NUP35: variants seen among roughly 807,000 people sequenced by gnomAD.
NUP35 encodes nucleoporin 35, also known as nucleoporin NUP35.
NUP35 carries 25 observed loss-of-function variants against 41.5 expected under a neutral mutation model. The observed-to-expected ratio is 0.60, with a 90% CI of 0.44 to 0.84. The LOEUF is 0.84. Ranked by LOEUF, NUP35 falls within the 40% of genes least tolerant of loss-of-function variation. The pLI is 0.00. For missense variants in NUP35, 396 were observed against 396.6 expected (o/e 1.00, Z 0.01); for synonymous variants, 149 against 130.7 (o/e 1.14, Z -0.96).
chr2:183,152,934 G>A (rs113763743), intron 5 of NUP35, among the ~76,000 whole-genome samples: 2,596 of 152,220 alleles, frequency 0.017, 42 homozygotes, highest in Non-Finnish European at 0.028. Flanking sequence ...AGACATATCC[G>A]AGACTGGAAA....
At chr2:183,131,120 A>C in intron 3 of NUP35, 1 of 291,244 alleles carries the variant, frequency 3.4e-6, no homozygotes, top group Admixed American at 3.2e-5. Flanking sequence ...GGATATAGGC[A>C]CGTGCTGCTA....
intron 4 of NUP35, among the ~76,000 whole-genome samples, chr2:183,142,443 TTG>T (rs1018767542): frequency 2.6e-5 from 4 of 151,686 alleles, no homozygotes; most frequent in African/African-American, 9.7e-5. Context: ...TTCTCAAATT[TTG>T]TGTGTTTTCT....
At chr2:183,132,255 C>G (rs1002556472) in intron 3 of NUP35, among the ~76,000 whole-genome samples, 1 of 152,002 alleles carries the variant, frequency 6.6e-6, no homozygotes, top group Non-Finnish European at 1.5e-5. Flanking sequence ...CTCCTGAGCT[C>G]AAGTAATCCA....
upstream of NUP35, among the ~76,000 whole-genome samples, chr2:183,122,320 C>A (rs1436989117): frequency 6.6e-6 from 1 of 152,142 alleles, no homozygotes; most frequent in Non-Finnish European, 1.5e-5. Context: ...TCGTGATCCG[C>A]CCGCCTTGGC....
upstream of NUP35, among the ~76,000 whole-genome samples, chr2:183,122,641 T>C (rs974691179): frequency 6.6e-6 from 1 of 152,188 alleles, no homozygotes; most frequent in Non-Finnish European, 1.5e-5. Context: ...TAGAAATTTC[T>C]TTTTTATTTT....
intron 4 of NUP35, among the ~76,000 whole-genome samples, chr2:183,137,431 T>C (rs914288619): frequency 6.6e-6 from 1 of 151,946 alleles, no homozygotes; most frequent in Non-Finnish European, 1.5e-5. Flanking sequence ...AAAAAATTTT[T>C]TAAATTAGCC....
chr2:183,123,858 T>C (rs1700103434), upstream of NUP35: 7 of 970,714 alleles, frequency 7.2e-6, no homozygotes, highest in Non-Finnish European at 8.6e-6. Context: ...TATTTACATG[T>C]GTACTTTATG....
intron 5 of NUP35, among the ~76,000 whole-genome samples, chr2:183,152,219 G>A (rs542119909): frequency 6.6e-6 from 1 of 151,302 alleles, no homozygotes; most frequent in Admixed American, 6.6e-5. Flanking sequence ...CAGTATGACA[G>A]TCCTTGTTAC....
intron 5 of NUP35, among the ~76,000 whole-genome samples, chr2:183,156,065 A>G (rs966211536): frequency 6.6e-6 from 1 of 152,130 alleles, no homozygotes; most frequent in South Asian, 2.1e-4. Flanking sequence ...AGGGTTATGA[A>G]ATATTCATTG....
intron 6 of NUP35, among the ~76,000 whole-genome samples, chr2:183,157,850 G>T (rs898184236): frequency 6.6e-6 from 1 of 152,054 alleles, no homozygotes; most frequent in African/African-American, 2.4e-5. Context: ...AAAAGAAGTA[G>T]GAGGCAGTTC....
chr2:183,157,813 C>T (rs1685724068), intron 6 of NUP35, among the ~76,000 whole-genome samples: 2 of 152,034 alleles, frequency 1.3e-5, no homozygotes, highest in Admixed American at 1.3e-4. Context: ...TTACTGTTTT[C>T]CAATTTGAGC....
intron 8 of NUP35, chr2:183,160,121 CT>C (rs1685820464): frequency 6.3e-6 from 1 of 157,898 alleles, no homozygotes; most frequent in African/African-American, 2.4e-5. Context: ...TAATTATGTT[CT>C]TTGAAGAATG....
At chr2:183,155,039 G>A (rs1445482403) in intron 5 of NUP35, among the ~76,000 whole-genome samples, 1 of 152,098 alleles carries the variant, frequency 6.6e-6, no homozygotes, top group Non-Finnish European at 1.5e-5. Flanking sequence ...AATAGCATAG[G>A]AAAGACCAGC....
chr2:183,134,800 A>G (rs1047298350), intron 4 of NUP35, among the ~76,000 whole-genome samples: 8 of 130,624 alleles, frequency 6.1e-5, no homozygotes, highest in Non-Finnish European at 1.0e-4. Context: ...TTTTTTTTGT[A>G]TTTTTGGTAG....
At chr2:183,152,065 C>G (rs543008351) in intron 5 of NUP35, among the ~76,000 whole-genome samples, 14 of 148,686 alleles carry the variant, frequency 9.4e-5, no homozygotes, top group African/African-American at 3.5e-4. Context: ...TTCTCTACAT[C>G]TAGTGGAATT....
Position 183,161,310 on chromosome 2 carries a change from T to A in NUP35, c.*179T>A. On this transcript the variant is annotated 3_prime_UTR_variant, in exon 9 of 9. Coordinates refer to ENST00000295119, the MANE Select transcript of NUP35 (RefSeq NM_138285.5). ...TGTAGCTCGCACTTTAAAAGATGCT[T>A]GAGATACATTTTAAAGAAAACTAAA... 2.3e-6 allele frequency: 1 copy of A among 434,346 alleles called. No homozygotes were observed. The highest frequency in any genetic ancestry group is 4.3e-6 in the Non-Finnish European group (1 of 235,028). 26.9% of individuals were successfully genotyped at this position (434,346 alleles called of 1,614,324 possible).
Position 183,157,391 on chromosome 2 carries a change from A to C in NUP35, c.540-53A>C, listed in dbSNP as rs905325419. On this transcript the variant is annotated intron_variant, in intron 5 of 8. Transcript: ENST00000295119. ...GAAACATTATCTTGTAGTAATTTGC[A>C]TTCACATTGATAGTAGAAGCTGACG... 5.6e-6 allele frequency: 7 copies of C among 1,252,790 alleles called. No homozygotes were observed. In the Admixed American group the frequency reaches 8.5e-5, roughly 15 times the overall value. 77.6% of individuals were successfully genotyped at this position (1,252,790 alleles called of 1,614,324 possible).
intron 4 of NUP35, among the ~76,000 whole-genome samples, chr2:183,141,720 A>G (rs1184900687): frequency 6.6e-6 from 1 of 152,136 alleles, no homozygotes; most frequent in Non-Finnish European, 1.5e-5. Flanking sequence ...CTGCTATGGT[A>G]CATACCTATT....
upstream of NUP35, among the ~76,000 whole-genome samples, chr2:183,123,150 CT>C (rs1294948344): frequency 6.6e-6 from 1 of 152,168 alleles, no homozygotes; most frequent in East Asian, 1.9e-4. Context: ...GTAATAGATT[CT>C]CCCCTGGAGC....
Sources: allele counts gnomAD v4.1 joint callset (sites outside exome capture counted in the v4.1 genomes callset), GRCh38; gene constraint gnomAD v4.1.1; transcripts MANE v1.5; gene names NCBI Gene and HGNC (gene_info 2026-07-23, HGNC 2026-07-21).